Variants in CTNNA2 observed in about 807,000 individuals in gnomAD.
CTNNA2 encodes catenin alpha 2.
Under a neutral mutation model 101.0 loss-of-function variants are expected in CTNNA2, and 42 were observed. The ratio of observed to expected loss-of-function variants is 0.42; its 90% confidence interval spans 0.32 to 0.54. The LOEUF (loss-of-function observed/expected upper bound fraction) is 0.54. CTNNA2 is among the 20% of genes least tolerant of loss of function. CTNNA2 has a pLI of 0.14. For synonymous variants in CTNNA2, 450 were observed against 456.4 expected (o/e 0.99, Z 0.18); for missense variants, 871 against 1,223.1 (o/e 0.71, Z 4.29).
At chr2:79,226,916 CTTTG>C (rs1249608335) in intron 2 of CTNNA2, among the ~76,000 whole-genome samples, 1 of 152,002 alleles carries the variant, frequency 6.6e-6, no homozygotes, top group African/African-American at 2.4e-5. Context: ...CTGCCATGAA[CTTTG>C]TTTTAGTAGT....
At chr2:79,392,696 A>G (rs1431465935) in intron 4 of CTNNA2, among the ~76,000 whole-genome samples, 1 of 152,104 alleles carries the variant, frequency 6.6e-6, no homozygotes, top group Non-Finnish European at 1.5e-5. Flanking sequence ...ACTCTACTCA[A>G]CTATTCATGA....
intron 7 of CTNNA2, among the ~76,000 whole-genome samples, chr2:80,259,041 C>T (rs1672392317): frequency 6.6e-6 from 1 of 152,104 alleles, no homozygotes; most frequent in Non-Finnish European, 1.5e-5. Context: ...GGATAGAATT[C>T]AGGGTTTCTG....
At chr2:79,600,424 C>T (rs1248607364) in intron 1 of CTNNA2, among the ~76,000 whole-genome samples, 7 of 152,018 alleles carry the variant, frequency 4.6e-5, no homozygotes, top group Non-Finnish European at 8.8e-5. Flanking sequence ...GCAATCCACC[C>T]GCCTTGGCCT....
At chr2:79,927,401 G>A (rs1199311556) in intron 7 of CTNNA2, among the ~76,000 whole-genome samples, 1 of 151,984 alleles carries the variant, frequency 6.6e-6, no homozygotes, top group Non-Finnish European at 1.5e-5. Context: ...ACCTACTAGT[G>A]GACTTTTAGG....
chr2:79,891,934 TA>T (rs1433135009), intron 6 of CTNNA2, among the ~76,000 whole-genome samples: 1 of 152,106 alleles, frequency 6.6e-6, no homozygotes, highest in Non-Finnish European at 1.5e-5. Context: ...TATTCTTTAA[TA>T]AAAAATATGC....
intron 7 of CTNNA2, among the ~76,000 whole-genome samples, chr2:80,353,439 C>T (rs1673500845): frequency 6.6e-6 from 1 of 152,082 alleles, no homozygotes; most frequent in African/African-American, 2.4e-5. Flanking sequence ...GTTAACTATT[C>T]TCTCCTTTCT....
chr2:79,741,409 T>A (rs150382988), intron 2 of CTNNA2, among the ~76,000 whole-genome samples: 2 of 152,302 alleles, frequency 1.3e-5, no homozygotes, highest in Non-Finnish European at 2.9e-5. Context: ...TCTTGCTTAT[T>A]TACTGTGTAA....
At chr2:79,403,723 G>A (rs981144236) in intron 4 of CTNNA2, among the ~76,000 whole-genome samples, 2 of 151,936 alleles carry the variant, frequency 1.3e-5, no homozygotes, top group African/African-American at 4.8e-5. Flanking sequence ...GCAATGAGAT[G>A]CCAGGTTAGA....
chr2:79,259,578 C>A (rs372994734), intron 2 of CTNNA2, among the ~76,000 whole-genome samples: 41 of 152,242 alleles, frequency 2.7e-4, no homozygotes, highest in African/African-American at 8.2e-4. Flanking sequence ...TTGCCAGGAA[C>A]GCCCAGGATC....
At chr2:79,486,962 G>C (rs573418233) in intron 4 of CTNNA2, among the ~76,000 whole-genome samples, 2 of 152,120 alleles carry the variant, frequency 1.3e-5, no homozygotes, top group Non-Finnish European at 2.9e-5. Flanking sequence ...GCTACATATA[G>C]GCAGCATGCT....
intron 3 of CTNNA2, among the ~76,000 whole-genome samples, chr2:79,361,927 C>G (rs1468293189): frequency 6.6e-6 from 1 of 152,114 alleles, no homozygotes; most frequent in Non-Finnish European, 1.5e-5. Context: ...CTTTCCTAGC[C>G]CACGACTCAA....
At chr2:79,222,344 CCTT>C (rs1674356025) in intron 2 of CTNNA2, among the ~76,000 whole-genome samples, 3 of 152,188 alleles carry the variant, frequency 2.0e-5, no homozygotes, top group Admixed American at 1.3e-4. Context: ...ATGAGTTCAT[CCTT>C]CTTCTGTAGG....
chr2:80,625,752 A>T (rs1411941697), intron 18 of CTNNA2, among the ~76,000 whole-genome samples: 3 of 152,096 alleles, frequency 2.0e-5, no homozygotes, highest in Non-Finnish European at 4.4e-5. Flanking sequence ...TTTGAAGTCT[A>T]TCAGTCATTC....
chr2:79,329,893 T>C (rs190173054), intron 3 of CTNNA2, among the ~76,000 whole-genome samples: 51 of 152,302 alleles, frequency 3.3e-4, no homozygotes, highest in Admixed American at 9.2e-4. Flanking sequence ...CTTCTCTTAG[T>C]GCTTCCATTC....
chr2:79,387,032 C>G (rs1021206762), intron 4 of CTNNA2, among the ~76,000 whole-genome samples: 2 of 152,198 alleles, frequency 1.3e-5, no homozygotes, highest in African/African-American at 4.8e-5. Context: ...TGTACTATCA[C>G]AGCCACCCTT....
At chr2:80,463,325 G>A (rs1216811160) in intron 9 of CTNNA2, among the ~76,000 whole-genome samples, 3 of 152,106 alleles carry the variant, frequency 2.0e-5, no homozygotes, top group East Asian at 1.9e-4. Flanking sequence ...CCAGCACTAC[G>A]TCTAACTTCC....
intron 7 of CTNNA2, among the ~76,000 whole-genome samples, chr2:80,281,999 T>C (rs905035585): frequency 2.6e-5 from 4 of 151,982 alleles, no homozygotes; most frequent in African/African-American, 9.7e-5. Flanking sequence ...TGATCCGGCA[T>C]TGTAGTAGGA....
At chr2:79,882,540 C>A (rs142243049) in intron 6 of CTNNA2, among the ~76,000 whole-genome samples, 9 of 152,352 alleles carry the variant, frequency 5.9e-5, no homozygotes, top group Admixed American at 5.9e-4. Context: ...GTCTTGGGAC[C>A]AAGCTGTCCA....
chr2:79,680,624 A>C (rs1026996265), intron 2 of CTNNA2, among the ~76,000 whole-genome samples: 1 of 152,186 alleles, frequency 6.6e-6, no homozygotes, highest in Non-Finnish European at 1.5e-5. Flanking sequence ...ACTAGGCCTC[A>C]TGGAGGCCAT....
Sources: allele counts gnomAD v4.1 joint callset (sites outside exome capture counted in the v4.1 genomes callset), GRCh38; gene constraint gnomAD v4.1.1; transcripts MANE v1.5; gene names NCBI Gene and HGNC (gene_info 2026-07-23, HGNC 2026-07-21).